The following HUWE1 variants were observed in gnomAD, a reference collection of about 807,000 sequenced individuals.
HUWE1 encodes the protein E3 ubiquitin-protein ligase HUWE1.
Under a neutral mutation model 299.4 loss-of-function variants are expected in HUWE1, and 18 were observed. The ratio of observed to expected loss-of-function variants is 0.06; its 90% CI spans 0.04 to 0.09. The LOEUF (loss-of-function observed/expected upper bound fraction) is 0.09. Among genes scored for constraint, HUWE1 ranks in the 10% least tolerant of loss-of-function variants. The pLI, the probability that HUWE1 is intolerant of heterozygous loss-of-function variation, is 1.00. For synonymous variants in HUWE1, 1,317 were observed against 1,286.1 expected, an observed-to-expected ratio of 1.02 and a Z score of -0.51; for missense variants, 1,832 against 3,462.3, an observed-to-expected ratio of 0.53 and a Z score of 11.82.
chrX:53,536,164 G>T lies in HUWE1; in HGVS notation c.12514C>A (p.Leu4172Ile). The T allele has an allele frequency of 8.4e-7, 1 of 1,194,778 alleles. No homozygotes were observed. Among genetic ancestry groups the T allele is most frequent in the Non-Finnish European group, 1.1e-6 (1 of 880,361 alleles). Residue 4172 changes from leucine to isoleucine, a missense_variant, in exon 80 of 84, where the codon CTC becomes ATC. Leu to Ile is a conservative substitution (Grantham distance 5, BLOSUM62 2). This residue lies in a region of HUWE1 where 129 missense variants were observed against 439.4 expected (regional missense o/e 0.29). Transcript: ENST00000262854. ...TGACCTACCTCAGTGCTGAAGGTGA[G>T]GTCATAGCCTAGTGTGGAGACATCA... ...ENDVSTLGYDLTFSTEVQEFG... is the reference protein window; with the variant it reads ...ENDVSTLGYDITFSTEVQEFG...
chrX:53,545,141 G>A lies in HUWE1; in HGVS notation c.10936C>T (p.Arg3646Trp). The change falls in exon 71 of 84, where the codon CGG becomes TGG. Residue 3646 changes from arginine to tryptophan, a missense_variant. Around this residue, in one of 15 missense-constraint regions of HUWE1, gnomAD observed 48 missense variants for 87.0 expected, o/e 0.55. Transcript: ENST00000262854. ...CGCTGCTGCTCGAGGTTGTATTCCC[G>A]CAGCTCGGCCAGCAGGGTACCTGAG... The part of the protein sequence containing the change: ...KQIGTLLAEL[R>W]EYNLEQQRRA... 1.7e-6 allele frequency: 2 copies of A among 1,209,911 alleles called. No individual in the cohort carries two copies. The highest frequency in any genetic ancestry group is 2.2e-6 in the Non-Finnish European group (2 of 894,658).
intron 2 of HUWE1, chrX:53,680,539 A>G (rs1351782031): frequency 5.3e-5 from 6 of 114,044 alleles, no homozygotes; most frequent in African/African-American, 1.9e-4. Context: ...ACAACTGTAC[A>G]TATAAAAATT....
intron 3 of HUWE1, among the ~76,000 whole-genome samples, chrX:53,670,945 A>T (rs1557049118): frequency 1.8e-5 from 2 of 112,635 alleles, no homozygotes; most frequent in Non-Finnish European, 3.7e-5. Flanking sequence ...CTGATGTGCT[A>T]CAATATTGTA....
intron 3 of HUWE1, among the ~76,000 whole-genome samples, chrX:53,674,170 G>A (rs1364737245): frequency 1.8e-5 from 2 of 111,406 alleles, no homozygotes; most frequent in Non-Finnish European, 3.8e-5. Context: ...GTTAGTGGAC[G>A]TTTTTAGTTT....
intron 55 of HUWE1, 81 bp from the exon 56 acceptor site, chrX:53,560,497 G>A (rs1202047152): frequency 1.1e-6 from 1 of 872,523 alleles, no homozygotes; most frequent in Non-Finnish European, 1.7e-6. Context: ...TGTCTCCTGG[G>A]CCTTACTTCC....
intron 21 of HUWE1, among the ~76,000 whole-genome samples, chrX:53,616,356 G>A (rs1049578762): frequency 6.3e-5 from 7 of 110,989 alleles, no homozygotes; most frequent in Admixed American, 5.8e-4. Flanking sequence ...AAGTAACTAT[G>A]TGTGCTGCAC....
At position 53,607,437 on chromosome X, in the gene HUWE1, G is replaced by C. The variant is rs181407581; in HGVS notation, c.2496+86C>G. ...TTATTCATTATTTTTTAGTTGAAGG[G>C]AGACCATAGTAAAAACATATATACA... On this transcript the variant is annotated intron_variant, in intron 25 of 83. Transcript: ENST00000262854. 1.0e-3 allele frequency: 866 copies of C among 826,317 alleles called. 4 individuals carry two copies. Among genetic ancestry groups the C allele is most frequent in the African/African-American group, 8.1e-3 (400 of 49,201 alleles). 68.1% of individuals were successfully genotyped at this position (826,317 alleles called of 1,213,427 possible). A position where few individuals can be genotyped will look rare whatever the true frequency, so the allele number is the denominator to read the frequency against.
At chrX:53,557,291 C>A (rs782509375) in intron 60 of HUWE1, 91 bp downstream of exon 60, 1 of 777,323 alleles carries the variant, frequency 1.3e-6, no homozygotes, top group African/African-American at 2.0e-5. Context: ...CAGTGTCCAT[C>A]TTCAGCCTAT....
intron 47 of HUWE1, among the ~76,000 whole-genome samples, chrX:53,571,469 C>T (rs1324846802): frequency 2.7e-5 from 3 of 110,812 alleles, no homozygotes; most frequent in Non-Finnish European, 3.8e-5. Flanking sequence ...GGCGTGGTAG[C>T]ATGTGCCTAT....
intron 56 of HUWE1, 121 bp from the exon 57 acceptor site, chrX:53,559,653 G>T: frequency 1.6e-6 from 1 of 619,155 alleles, no homozygotes; most frequent in Non-Finnish European, 2.6e-6. Flanking sequence ...TAAACCTGAT[G>T]ATGTGCACAC....
At chrX:53,576,144 G>A (rs957254005) in intron 44 of HUWE1, among the ~76,000 whole-genome samples, 2 of 111,898 alleles carry the variant, frequency 1.8e-5, no homozygotes, top group African/African-American at 3.3e-5. Context: ...GGTGATAGGA[G>A]AACCAAGGAA....
chrX:53,566,941 A>G (rs2062606662), intron 49 of HUWE1, among the ~76,000 whole-genome samples: 1 of 112,132 alleles, frequency 8.9e-6, no homozygotes, highest in African/African-American at 3.2e-5. Flanking sequence ...TGTGACAACC[A>G]AATGCAACAT....
chrX:53,536,578 G>C lies in HUWE1; in HGVS notation c.12227C>G (p.Pro4076Arg). The change falls in exon 79 of 84, where the codon CCT becomes CGT. Residue 4076 changes from proline to arginine, a missense_variant. Around this residue, in one of 15 missense-constraint regions of HUWE1, gnomAD observed 129 missense variants for 439.4 expected, o/e 0.29. Transcript: ENST00000262854. The part of the protein sequence containing the change: ...YMIISREMFN[P>R]MYALFRTSPG... ...TGAGGTACGGAACAAGGCATACATA[G>C]GGTTAAACATCTCTCGAGAGATGAT... 1 of 1,209,151 alleles carries C rather than the reference G, an allele frequency of 8.3e-7. No homozygotes were observed. Among genetic ancestry groups the C allele is most frequent in the East Asian group, 3.0e-5 (1 of 33,826 alleles).
Position 53,625,235 on chromosome X carries a change from C to G in HUWE1, c.1513G>C (p.Ala505Pro). The change falls in exon 18 of 84, where the codon GCA becomes CCA. Residue 505 changes from alanine to proline, a missense_variant. By Grantham distance (27) the Ala-to-Pro change is conservative (BLOSUM62 -1). Coordinates refer to ENST00000262854, the MANE Select transcript of HUWE1 (RefSeq NM_031407.7). ...MDGVQCIPQR[A>P]ALLKSMLNFL... ...TTCAACATGGATTTCAGAAGTGCTG[C>G]TCGTTGTGGAATACACTGGACTCCT... 1 of 1,200,638 alleles carries G rather than the reference C, an allele frequency of 8.3e-7. No homozygotes were observed. Among genetic ancestry groups the G allele is most frequent in the Non-Finnish European group, 1.1e-6 (1 of 885,382 alleles).
At chrX:53,666,083 C>T (rs1385939158) in intron 3 of HUWE1, among the ~76,000 whole-genome samples, 2 of 112,368 alleles carry the variant, frequency 1.8e-5, no homozygotes, top group Non-Finnish European at 3.8e-5. Flanking sequence ...TCAATGAGTT[C>T]AGGAAAGTAT....
chrX:53,685,841 A>G (rs1472195936), intron 2 of HUWE1, among the ~76,000 whole-genome samples: 1 of 112,005 alleles, frequency 8.9e-6, no homozygotes, highest in Non-Finnish European at 1.9e-5. Context: ...ATACTCATAC[A>G]TGGCATGATA....
chrX:53,598,034 T>C (rs1602988703), intron 29 of HUWE1, among the ~76,000 whole-genome samples: 1 of 111,722 alleles, frequency 9.0e-6, no homozygotes, highest in African/African-American at 3.3e-5. Flanking sequence ...AAAAAGGTCA[T>C]GGGTGAAGAA....
At chrX:53,560,444 G>C in intron 55 of HUWE1, 28 bp from the exon 56 acceptor site, 1 of 1,153,357 alleles carries the variant, frequency 8.7e-7, no homozygotes, top group Non-Finnish European at 1.2e-6. Context: ...AAAAGGGTCA[G>C]TGTCAAAAAG....
intron 3 of HUWE1, among the ~76,000 whole-genome samples, chrX:53,660,159 G>C (rs1465099639): frequency 1.8e-5 from 2 of 111,837 alleles, no homozygotes; most frequent in Non-Finnish European, 3.8e-5. Flanking sequence ...GAGGAACCAA[G>C]GAAGCTAGGG....
Sources: allele counts gnomAD v4.1 joint callset (sites outside exome capture counted in the v4.1 genomes callset), GRCh38; gene constraint gnomAD v4.1.1; regional missense constraint gnomAD v4.1.1; transcripts MANE v1.5; gene names NCBI Gene and HGNC (gene_info 2026-07-23, HGNC 2026-07-21).